Variants in UGT1A5 observed in about 807,000 individuals in gnomAD.
The protein encoded by UGT1A5 is UDP-glucuronosyltransferase 1A5.
In UGT1A5, 29 loss-of-function variants were observed where a neutral mutation model predicts 40.3. The ratio of observed to expected loss-of-function variants is 0.72; its 90% CI spans 0.54 to 0.98. UGT1A5 has a LOEUF of 0.98. Among genes scored for constraint, UGT1A5 ranks in the 50% least tolerant of loss-of-function variants. UGT1A5 has a pLI of 0.00. For synonymous variants in UGT1A5, 257 were observed against 262.5 expected, an observed-to-expected ratio of 0.98 and a Z score of 0.20; for missense variants, 678 against 677.9, an observed-to-expected ratio of 1.00 and a Z score of 0.00.
chr2:233,718,780 A>T (rs765403855), intron 1 of UGT1A5: 4 of 1,612,996 alleles, frequency 2.5e-6, no homozygotes, highest in Non-Finnish European at 3.4e-6. Context: ...TAGCAGGCAC[A>T]GCGTGGGGTG....
rs371916153 is a variant in UGT1A5, at chr2:233,743,676, T to C, written c.868-23358T>C. On this transcript the variant is annotated intron_variant, in intron 1 of 4. Coordinates refer to ENST00000373414, the MANE Select transcript of UGT1A5 (RefSeq NM_019078.2). Reference sequence around the variant, plus strand: ...TACTCGAAGGGGTCCTCGAAGGGCCTGCCGCCTGTGCAGCCGCCCTCCGCC... The same window carrying C: ...TACTCGAAGGGGTCCTCGAAGGGCCCGCCGCCTGTGCAGCCGCCCTCCGCC... 1.7e-5 allele frequency: 23 copies of C among 1,367,108 alleles called. No homozygotes were observed. In the African/African-American group the frequency reaches 3.1e-4, roughly 19 times the overall value. The allele number at this position is 1,367,108 out of a possible 1,614,324, so 84.7% of individuals were successfully genotyped here. A position where few individuals can be genotyped will look rare whatever the true frequency, so the allele number is the denominator to read the frequency against.
rs557040072 is a variant in UGT1A5 at position 233,724,531 on chromosome 2, C to A, written c.867+10673C>A. ...CCTCACCTCCCAGATGGGGTCTCGCCGGGCAGAGGCGCTCCTCACATCCCA... is the reference window on the plus strand; with the variant it reads ...CCTCACCTCCCAGATGGGGTCTCGCAGGGCAGAGGCGCTCCTCACATCCCA... On this transcript the variant is annotated intron_variant, in intron 1 of 4. Transcript: ENST00000373414. 8.8e-3 allele frequency among the ~76,000 whole-genome samples: 1,074 copies of A among 121,634 alleles called. 62 individuals carry two copies. Among genetic ancestry groups the A allele is most frequent in the African/African-American group, 0.033 (990 of 29,780 alleles). 79.8% of individuals were successfully genotyped at this position (121,634 alleles called of 152,430 possible). A position where few individuals can be genotyped will look rare whatever the true frequency, so the allele number is the denominator to read the frequency against.
intron 1 of UGT1A5, among the ~76,000 whole-genome samples, chr2:233,753,898 C>T (rs1695337682): frequency 6.6e-6 from 1 of 152,234 alleles, no homozygotes; most frequent in Non-Finnish European, 1.5e-5. Context: ...AAGGAACATG[C>T]TTCTTACACC....
intron 1 of UGT1A5, among the ~76,000 whole-genome samples, chr2:233,736,005 G>A (rs1194834652): frequency 1.3e-5 from 2 of 152,028 alleles, no homozygotes; most frequent in African/African-American, 4.8e-5. Flanking sequence ...TGTTCTTCTC[G>A]AGGAGTATCT....
chr2:233,745,758 T>G (rs1376334947), intron 1 of UGT1A5, among the ~76,000 whole-genome samples: 23 of 128,998 alleles, frequency 1.8e-4, no homozygotes, highest in East Asian at 4.6e-4. Context: ...GCAGAAGGGG[T>G]GGAGAGGAGG....
chr2:233,758,463 T>A (rs1240923270), intron 1 of UGT1A5, among the ~76,000 whole-genome samples: 1 of 152,228 alleles, frequency 6.6e-6, no homozygotes, highest in Admixed American at 6.5e-5. Flanking sequence ...ATTATCACCC[T>A]TAAGGTTTAA....
At chr2:233,762,598 T>C (rs903275038) in intron 1 of UGT1A5, among the ~76,000 whole-genome samples, 9 of 152,226 alleles carry the variant, frequency 5.9e-5, no homozygotes, top group Admixed American at 2.6e-4. Context: ...CAATTTGTAT[T>C]CCAGGAGTTT....
At chr2:233,767,994 T>G (rs1699541043) in intron 3 of UGT1A5, 58 bp downstream of exon 3, 2 of 1,614,136 alleles carry the variant, frequency 1.2e-6, no homozygotes, top group Non-Finnish European at 1.7e-6. Context: ...GAAAATGGCT[T>G]AAGCACAGCT....
In UGT1A5 at chr2:233,767,044, C is replaced by A. The variant is rs758873309; in HGVS notation, c.878C>A (p.Ala293Asp). Residue 293 changes from alanine (A) to aspartate (D), a missense_variant, in exon 2 of 5, where the codon GCC becomes GAC. Ala to Asp is a moderately radical substitution (Grantham distance 126, BLOSUM62 -2). Coordinates refer to ENST00000373414, the MANE Select transcript of UGT1A5 (RefSeq NM_019078.2). ...NGKPLSQEFE[A>D]YINASGEHGI... ...TTCTTCTGGCTCTAGGAATTTGAAG[C>A]CTACATTAATGCTTCTGGAGAACAT... 1.2e-6 allele frequency: 2 copies of A among 1,613,992 alleles called. No homozygotes were observed. Among genetic ancestry groups the A allele is most frequent in the Non-Finnish European group, 1.7e-6 (2 of 1,179,984 alleles).
Position 233,767,941 on chromosome 2 carries a change from G to A in UGT1A5, c.1087+5G>A. The A allele has an allele frequency of 1.2e-6, 2 of 1,614,200 alleles. No homozygotes were observed. Among genetic ancestry groups the A allele is most frequent in the South Asian group, 1.1e-5 (1 of 91,084 alleles). On this transcript the variant is annotated splice_donor_5th_base_variant and intron_variant, in intron 3 of 4. Coordinates refer to ENST00000373414, the MANE Select transcript of UGT1A5 (RefSeq NM_019078.2). ...TACCCCAAAACGATCTGCTTGGTAT[G>A]TTGGGCGGATTGGATGTATAGGTCA...
intron 1 of UGT1A5, chr2:233,747,967 C>T: frequency 6.2e-7 from 1 of 1,613,484 alleles, no homozygotes; most frequent in Non-Finnish European, 8.5e-7. Flanking sequence ...CTCAGCCATG[C>T]ATCTGTGTGG....
intron 1 of UGT1A5, chr2:233,760,930 A>T: frequency 6.2e-7 from 1 of 1,614,176 alleles, no homozygotes; most frequent in East Asian, 2.2e-5. Context: ...GAACATGCTC[A>T]TTGCCTTTTC....
chr2:233,746,554 C>T (rs567530423), intron 1 of UGT1A5, among the ~76,000 whole-genome samples: 1 of 151,860 alleles, frequency 6.6e-6, no homozygotes, highest in South Asian at 2.1e-4. Flanking sequence ...ACTTCTTAGC[C>T]CCTAGAGCAC....
At chr2:233,771,613 G>GT (rs1296922590) in intron 4 of UGT1A5, 10 of 152,180 alleles carry the variant, frequency 6.6e-5, no homozygotes, top group Non-Finnish European at 1.2e-4. Flanking sequence ...AATTTCTGAC[G>GT]TGACATTTTC....
rs373771428 is a variant in UGT1A5 at position 233,743,798 on chromosome 2, T to A, written c.868-23236T>A. The A allele has an allele frequency of 5.3e-5, 73 of 1,367,294 alleles. No homozygotes were observed. The East Asian group carries it at 1.4e-3, about 26-fold the overall frequency. 84.7% of individuals were successfully genotyped at this position (1,367,294 alleles called of 1,614,324 possible). A position where few individuals can be genotyped will look rare whatever the true frequency, so the allele number is the denominator to read the frequency against. On this transcript the variant is annotated intron_variant, in intron 1 of 4. Transcript: ENST00000373414. ...CTGCTTGAATCTCCTCTCCGCTTCC[T>A]CCTTGTTCTCAGGGTTTTTGTCGGG...
intron 1 of UGT1A5, among the ~76,000 whole-genome samples, chr2:233,723,516 CTTTTT>C (rs1162916866): frequency 9.4e-5 from 8 of 85,396 alleles, no homozygotes; most frequent in South Asian, 1.1e-3. Context: ...GGTCAACAAT[CTTTTT>C]TTTTTTTTTT....
intron 1 of UGT1A5, chr2:233,754,604 C>T (rs1227545131): frequency 6.9e-6 from 3 of 433,838 alleles, no homozygotes; most frequent in Non-Finnish European, 1.4e-5. Context: ...TTTAACTCAA[C>T]TCTCCATCTT....
intron 1 of UGT1A5, among the ~76,000 whole-genome samples, chr2:233,726,280 G>C (rs906128531): frequency 6.6e-6 from 1 of 152,198 alleles, no homozygotes; most frequent in Non-Finnish European, 1.5e-5. Context: ...ATGGTCCCAG[G>C]TACTTGGGAG....
rs370790922 is a variant in UGT1A5 at position 233,760,312 on chromosome 2, C to T, written c.868-6722C>T. ...CATGGCTGTGGAGTCCCAGGGCGGACGCCCACTTGTCCTGGGCCTGCTGCT... is the reference window on the plus strand; with the variant it reads ...CATGGCTGTGGAGTCCCAGGGCGGATGCCCACTTGTCCTGGGCCTGCTGCT... On this transcript the variant is annotated intron_variant, in intron 1 of 4. Coordinates refer to ENST00000373414, the MANE Select transcript of UGT1A5 (RefSeq NM_019078.2). 93 of 1,613,694 alleles carry T rather than the reference C, an allele frequency of 5.8e-5. No individual in the cohort carries two copies. Among genetic ancestry groups the T allele is most frequent in the South Asian group, 2.2e-5 (2 of 91,058 alleles).
Sources: allele counts gnomAD v4.1 joint callset (sites outside exome capture counted in the v4.1 genomes callset), GRCh38; gene constraint gnomAD v4.1.1; transcripts MANE v1.5; gene names NCBI Gene and HGNC (gene_info 2026-07-23, HGNC 2026-07-21).